HIPK1: variants seen among roughly 807,000 people sequenced by gnomAD.
HIPK1 encodes homeodomain-interacting protein kinase 1.
Under a neutral mutation model 117.1 loss-of-function variants are expected in HIPK1, and 28 were observed. That is an observed-to-expected ratio of 0.24 (90% CI 0.18 to 0.33). The LOEUF is 0.33. Ranked by LOEUF, HIPK1 falls within the 10% of genes least tolerant of loss-of-function variation. The pLI, the probability that HIPK1 is intolerant of heterozygous loss-of-function variation, is 1.00. For synonymous variants in HIPK1, 605 were observed against 562.5 expected, an observed-to-expected ratio of 1.08 and a Z score of -1.07; for missense variants, 1,122 against 1,475.1, an observed-to-expected ratio of 0.76 and a Z score of 3.92.
intron 1 of HIPK1, among the ~76,000 whole-genome samples, chr1:113,939,844 A>T (rs1670529003): frequency 6.6e-6 from 1 of 151,712 alleles, no homozygotes; most frequent in East Asian, 1.9e-4. Context: ...TGTCTGTGGG[A>T]TATTCAGGGA....
Position 113,952,771 on chromosome 1 carries a change from C to A in HIPK1, c.1082C>A (p.Pro361His). 1 of 1,460,166 alleles carries A rather than the reference C, an allele frequency of 6.8e-7. No individual in the cohort carries two copies. Among genetic ancestry groups the A allele is most frequent in the Non-Finnish European group, 9.1e-7 (1 of 1,103,474 alleles). 90.5% of individuals were successfully genotyped at this position (1,460,166 alleles called of 1,614,324 possible). A position where few individuals can be genotyped will look rare whatever the true frequency, so the allele number is the denominator to read the frequency against. ...ATATTTTTTGTTTTTGCTAGAGCTC[C>A]TGAAATTATTCTTGGGTTACCATTT... Reference protein sequence around the residue: ...TYLQSRYYRAPEIILGLPFCE... With the variant: ...TYLQSRYYRAHEIILGLPFCE... The change falls in exon 3 of 16, where the codon CCT (proline) becomes CAT (histidine). Residue 361 changes from proline to histidine, a missense_variant. Transcript: ENST00000426820.
chr1:113,946,047 C>G (rs1286868154), intron 2 of HIPK1, among the ~76,000 whole-genome samples: 2 of 151,978 alleles, frequency 1.3e-5, no homozygotes, highest in Non-Finnish European at 2.9e-5. Flanking sequence ...CTCTTAGAGC[C>G]TTTGTTTTCT....
At chr1:113,962,200 C>G in intron 8 of HIPK1, 117 bp from the exon 9 acceptor site, 1 of 1,021,748 alleles carries the variant, frequency 9.8e-7, no homozygotes, top group Non-Finnish European at 1.4e-6. Context: ...TCTTAAGTGT[C>G]TAGGATTAAA....
chr1:113,941,742 CATTTTATTT>C lies in HIPK1; in HGVS notation c.1076+297_1076+305del, dbSNP rs556743077. On this transcript the variant is annotated intron_variant, in intron 2 of 15. Transcript: ENST00000426820. This position sits in a 1 kb window ranked among gnomAD's most constrained non-coding sequence, Gnocchi z 4.9. ...TTAGTATTATTTTACCTCATTTTCC[CATTTTATTT>C]ATTTTATTTATTTATTTATTTATTT... 6.6e-4 allele frequency among the ~76,000 whole-genome samples: 100 copies of C among 151,924 alleles called. 1 individual carries two copies. Among genetic ancestry groups the C allele is most frequent in the African/African-American group, 2.4e-3 (98 of 41,458 alleles).
At chr1:113,942,467 C>T (rs921241947) in intron 2 of HIPK1, among the ~76,000 whole-genome samples, 4 of 152,240 alleles carry the variant, frequency 2.6e-5, no homozygotes, top group African/African-American at 7.2e-5. Context: ...GGTAAAATAA[C>T]GTGGGAATAA....
chr1:113,944,758 C>G (rs988637780), intron 2 of HIPK1, among the ~76,000 whole-genome samples: 10 of 151,922 alleles, frequency 6.6e-5, no homozygotes, highest in African/African-American at 2.2e-4. Flanking sequence ...CGGGCCCGGT[C>G]AATAATAGCC....
At chr1:113,958,932 C>T (rs933496947) in intron 8 of HIPK1, among the ~76,000 whole-genome samples, 4 of 152,094 alleles carry the variant, frequency 2.6e-5, no homozygotes, top group Non-Finnish European at 4.4e-5. Flanking sequence ...GGCGGAGTCC[C>T]TGTGTTGCAA....
At chr1:113,950,224 C>T (rs991003321) in intron 2 of HIPK1, among the ~76,000 whole-genome samples, 2 of 152,056 alleles carry the variant, frequency 1.3e-5, no homozygotes, top group African/African-American at 4.8e-5. Flanking sequence ...CAACCCCCTG[C>T]ACATATACAC....
intron 10 of HIPK1, among the ~76,000 whole-genome samples, chr1:113,965,763 C>T (rs1672403278): frequency 6.6e-6 from 1 of 152,192 alleles, no homozygotes; most frequent in Admixed American, 6.5e-5. Flanking sequence ...CCTCTTAACT[C>T]TTTCTAGGGA....
chr1:113,956,867 C>G, intron 6 of HIPK1, 56 bp downstream of exon 6: 1 of 1,490,576 alleles, frequency 6.7e-7, no homozygotes, highest in Non-Finnish European at 9.3e-7. Flanking sequence ...GAGTTACCGC[C>G]TTATCAATGG....
chr1:113,940,309 T>C lies in HIPK1; in HGVS notation c.-2-73T>C, dbSNP rs1670564214. ...TTTATCAAGTAAAAGTGTGTGTGTGTGTTTGTGTGTTTTAAATCTAAGCCT... is the reference window on the plus strand; with the variant it reads ...TTTATCAAGTAAAAGTGTGTGTGTGCGTTTGTGTGTTTTAAATCTAAGCCT... On this transcript the variant is annotated intron_variant, in intron 1 of 15. Transcript: ENST00000426820. 9 of 1,253,150 alleles carry C rather than the reference T, an allele frequency of 7.2e-6. No homozygotes were observed. The Admixed American group carries it at 1.4e-4, about 19-fold the overall frequency. 77.6% of individuals were successfully genotyped at this position (1,253,150 alleles called of 1,614,324 possible). A position where few individuals can be genotyped will look rare whatever the true frequency, so the allele number is the denominator to read the frequency against.
Position 113,973,393 on chromosome 1 carries a change from C to T in HIPK1, c.3514C>T (p.Pro1172Ser). 1 of 1,614,166 alleles carries T rather than the reference C, an allele frequency of 6.2e-7. No homozygotes were observed. Among genetic ancestry groups the T allele is most frequent in the Non-Finnish European group, 8.5e-7 (1 of 1,180,018 alleles). Reference sequence around the variant, plus strand: ...CCTCCTCACTTCTGCCAGCGTGGCCCCTGCTCAGTACCAACACCAGTTTGC... The same window carrying T: ...CCTCCTCACTTCTGCCAGCGTGGCCTCTGCTCAGTACCAACACCAGTTTGC... ...PSLLTSASVA[P>S]AQYQHQFATQ... The change falls in exon 16 of 16, where the codon CCT becomes TCT. Residue 1172 changes from proline to serine, a missense_variant. Coordinates refer to ENST00000426820, the MANE Select transcript of HIPK1 (RefSeq NM_198268.3).
At chr1:113,953,598 A>G (rs1162880374) in intron 3 of HIPK1, among the ~76,000 whole-genome samples, 1 of 151,012 alleles carries the variant, frequency 6.6e-6, no homozygotes, top group East Asian at 2.0e-4. Flanking sequence ...GCTCACTGCA[A>G]CCTCTGCCTC....
At position 113,938,129 on chromosome 1, in the gene HIPK1, CT is replaced by C. The variant is rs565973812; in HGVS notation, c.-2-2236del. On this transcript the variant is annotated intron_variant, in intron 1 of 15. Coordinates refer to ENST00000426820, the MANE Select transcript of HIPK1 (RefSeq NM_198268.3). ...ACAGGCATGTGCCACTTACACTTGG[CT>C]TTTTTTTTTTTTTTTTCCCGGTAGA... 7.3e-3 allele frequency among the ~76,000 whole-genome samples: 959 copies of C among 131,236 alleles called. 2 individuals are homozygous for C. The highest frequency in any genetic ancestry group is 0.016 in the African/African-American group (582 of 35,616). The allele number at this position is 131,236 out of a possible 152,430, so 86.1% of individuals were successfully genotyped here.
intron 15 of HIPK1, chr1:113,972,186 C>G: frequency 1.6e-6 from 2 of 1,240,510 alleles, no homozygotes; most frequent in Non-Finnish European, 1.1e-6. Context: ...CTAAGTCTAC[C>G]CTGGAAGGTT....
chr1:113,933,388 G>A (rs949553791), intron 1 of HIPK1, among the ~76,000 whole-genome samples: 6 of 152,182 alleles, frequency 3.9e-5, no homozygotes, highest in Admixed American at 3.3e-4. Context: ...GGGGAAAAGC[G>A]CAGATGAAAC....
chr1:113,962,192 T>G, intron 8 of HIPK1, 125 bp from the exon 9 acceptor site: 1 of 905,498 alleles, frequency 1.1e-6, no homozygotes, highest in Non-Finnish European at 1.6e-6. Context: ...CTTCTTTGTC[T>G]TAAGTGTCTA....
chr1:113,948,448 T>G (rs917209282), intron 2 of HIPK1, among the ~76,000 whole-genome samples: 1 of 152,100 alleles, frequency 6.6e-6, no homozygotes, highest in African/African-American at 2.4e-5. Context: ...AGAGATTGGG[T>G]CTTGCTGTGT....
intron 8 of HIPK1, 95 bp downstream of exon 8, chr1:113,958,386 ACT>A: frequency 1.2e-6 from 1 of 821,778 alleles, no homozygotes. Context: ...ACAAGTTTAA[ACT>A]CTGTCTCTGA....
Sources: allele counts gnomAD v4.1 joint callset (sites outside exome capture counted in the v4.1 genomes callset), GRCh38; gene constraint gnomAD v4.1.1; non-coding constraint Gnocchi (gnomAD v3.1); transcripts MANE v1.5; gene names NCBI Gene and HGNC (gene_info 2026-07-23, HGNC 2026-07-21).